Variants in FGF10 observed in about 807,000 individuals in gnomAD.
FGF10 encodes the protein fibroblast growth factor 10, also known as FGF-10.
A neutral mutation model predicts 19.8 loss-of-function variants in FGF10; 2 were observed. The observed-to-expected ratio is 0.10, with a 90% CI of 0.04 to 0.32. The LOEUF (loss-of-function observed/expected upper bound fraction) is 0.32. FGF10 is among the 10% of genes least tolerant of loss of function. FGF10 has a pLI of 1.00. For missense variants in FGF10, 191 were observed against 246.3 expected, an observed-to-expected ratio of 0.78 and a Z score of 1.50; for synonymous variants, 112 against 94.0, an observed-to-expected ratio of 1.19 and a Z score of -1.10.
At chr5:44,306,450 T>C (rs1476810556) in intron 2 of FGF10, among the ~76,000 whole-genome samples, 5 of 152,182 alleles carry the variant, frequency 3.3e-5, no homozygotes, top group Non-Finnish European at 5.9e-5. Flanking sequence ...TCTTTTCTTA[T>C]ACTCAAACTA....
intron 1 of FGF10, among the ~76,000 whole-genome samples, chr5:44,374,093 C>T (rs1008829672): frequency 3.3e-5 from 5 of 152,174 alleles, no homozygotes; most frequent in African/African-American, 1.2e-4. Context: ...CCAAACTCCT[C>T]TGTAGGTTCT....
chr5:44,362,153 G>T (rs1273916763), intron 1 of FGF10, among the ~76,000 whole-genome samples: 2 of 151,584 alleles, frequency 1.3e-5, no homozygotes, highest in South Asian at 4.1e-4. Flanking sequence ...TACCATCTTT[G>T]TGAACTTGGA....
At chr5:44,310,352 T>C (rs13183649) in intron 2 of FGF10, 75 bp downstream of exon 2, 5 of 932,562 alleles carry the variant, frequency 5.4e-6, no homozygotes, top group African/African-American at 4.9e-5. Flanking sequence ...AGCTATTCGG[T>C]GTCTGGAGGA....
At chr5:44,331,649 T>A (rs12652957) in intron 1 of FGF10, among the ~76,000 whole-genome samples, 85,728 of 151,924 alleles carry the variant, frequency 0.56, 25,433 homozygotes, top group Non-Finnish European at 0.67. Context: ...ATTCCTTAGA[T>A]GAATGAGAAT....
chr5:44,318,685 A>G (rs1740412957), intron 1 of FGF10, among the ~76,000 whole-genome samples: 1 of 152,184 alleles, frequency 6.6e-6, no homozygotes, highest in African/African-American at 2.4e-5. Flanking sequence ...AAATAATGTT[A>G]GAAACATGTT....
intron 1 of FGF10, among the ~76,000 whole-genome samples, chr5:44,381,852 T>C (rs1374673389): frequency 1.3e-5 from 2 of 152,196 alleles, no homozygotes; most frequent in Admixed American, 1.3e-4. Flanking sequence ...CTATTCAGAA[T>C]TAGGTTCTAG....
chr5:44,387,791 G>C (rs1024885330), intron 1 of FGF10, among the ~76,000 whole-genome samples: 1 of 152,070 alleles, frequency 6.6e-6, no homozygotes, highest in African/African-American at 2.4e-5. Context: ...AATGCTTTTC[G>C]CTCATATCTA....
At chr5:44,324,480 A>G (rs1211071755) in intron 1 of FGF10, among the ~76,000 whole-genome samples, 2 of 152,258 alleles carry the variant, frequency 1.3e-5, no homozygotes, top group Non-Finnish European at 2.9e-5. Context: ...TATCTTGAAG[A>G]AATGTTTTTA....
chr5:44,320,985 T>C (rs1740472238), intron 1 of FGF10, among the ~76,000 whole-genome samples: 1 of 151,820 alleles, frequency 6.6e-6, no homozygotes, highest in Non-Finnish European at 1.5e-5. Context: ...TGCCAGTCCA[T>C]TTTGAAGTTT....
rs949698811 is a variant in FGF10 at position 44,301,232 on chromosome 5, A to G, written c.*3763T>C. Among the ~76,000 whole-genome samples, 1 of 152,114 alleles carries G rather than the reference A, an allele frequency of 6.6e-6. No homozygotes were observed. Among genetic ancestry groups the G allele is most frequent in the African/African-American group, 2.4e-5 (1 of 41,424 alleles). On this transcript the variant is annotated 3_prime_UTR_variant, in exon 3 of 3. Coordinates refer to ENST00000264664, the MANE Select transcript of FGF10 (RefSeq NM_004465.2). The stretch of plus-strand genomic sequence containing the variant: ...GTATATGTCCTACTTCTAATGTACT[A>G]GACATCTTCTCTTAAATATTTTAAG...
intron 1 of FGF10, among the ~76,000 whole-genome samples, chr5:44,359,662 G>A (rs1425963700): frequency 2.6e-5 from 4 of 151,428 alleles, no homozygotes; most frequent in Non-Finnish European, 5.9e-5. Context: ...TTTCTTCAGT[G>A]GCTTACTGTA....
At chr5:44,359,807 T>C (rs1179050178) in intron 1 of FGF10, among the ~76,000 whole-genome samples, 2 of 151,424 alleles carry the variant, frequency 1.3e-5, no homozygotes, top group Non-Finnish European at 3.0e-5. Context: ...ACATACATCA[T>C]ACCCATTATG....
intron 2 of FGF10, among the ~76,000 whole-genome samples, chr5:44,308,939 A>G (rs1740146874): frequency 6.6e-6 from 1 of 152,184 alleles, no homozygotes. Context: ...CTGTCTTTTA[A>G]TAAGCCCTTC....
In FGF10 at chr5:44,315,147, C is replaced by T. The variant is rs139577073; in HGVS notation, c.326-4617G>A. On this transcript the variant is annotated intron_variant, in intron 1 of 2. Coordinates refer to ENST00000264664, the MANE Select transcript of FGF10 (RefSeq NM_004465.2). ...CCTTGCCTCAAGGAGTTTTAAAGCT[C>T]AATAAAATAAAGACCCAAATAAGTA... Among the ~76,000 whole-genome samples, 364 of 76,766 alleles carry T rather than the reference C, an allele frequency of 4.7e-3. 1 individual carries two copies. Among genetic ancestry groups the T allele is most frequent in the African/African-American group, 0.015 (347 of 23,112 alleles). 50.4% of individuals were successfully genotyped at this position (76,766 alleles called of 152,430 possible).
intron 1 of FGF10, among the ~76,000 whole-genome samples, chr5:44,332,281 G>A (rs1443381829): frequency 6.6e-6 from 1 of 152,078 alleles, no homozygotes; most frequent in Admixed American, 6.6e-5. Flanking sequence ...TTGCCCCAGT[G>A]AGTATCAAAG....
At position 44,303,446 on chromosome 5, in the gene FGF10, C is replaced by T. The variant is rs999647366; in HGVS notation, c.*1549G>A. On this transcript the variant is annotated 3_prime_UTR_variant, in exon 3 of 3. Transcript: ENST00000264664. ...CAAAACAAGAAATATGAAGATAAAA[C>T]TGCAGCATCAATATACTATTATAGT... 1.1e-4 allele frequency: 16 copies of T among 151,978 alleles called. No homozygotes were observed. Among genetic ancestry groups the T allele is most frequent in the African/African-American group, 3.9e-4 (16 of 41,372 alleles). The allele number at this position is 151,978 out of a possible 1,614,324, so 9.4% of individuals were successfully genotyped here.
Position 44,305,027 on chromosome 5 carries a change from C to A in FGF10, c.595G>T (p.Ala199Ser). The part of the protein sequence containing the change: ...GQKTRRKNTS[A>S]HFLPMVVHS ...TGTACCACCATTGGAAGAAAGTGAG[C>A]AGAGGTGTTTTTCCTTCGTGTTTTC... The change falls in exon 3 of 3, where the codon GCT becomes TCT. Residue 199 changes from alanine to serine, a missense_variant. Ala to Ser is a moderately conservative substitution (Grantham distance 99). Transcript: ENST00000264664. 1.9e-6 allele frequency: 3 copies of A among 1,613,936 alleles called. No individual in the cohort carries two copies. Among genetic ancestry groups the A allele is most frequent in the Non-Finnish European group, 2.5e-6 (3 of 1,179,864 alleles).
At chr5:44,313,102 T>G (rs899698048) in intron 1 of FGF10, among the ~76,000 whole-genome samples, 3 of 152,108 alleles carry the variant, frequency 2.0e-5, no homozygotes, top group African/African-American at 7.2e-5. Flanking sequence ...TATTTTTATA[T>G]TATTATTTAG....
chr5:44,322,042 T>A (rs1740505215), intron 1 of FGF10, among the ~76,000 whole-genome samples: 1 of 152,076 alleles, frequency 6.6e-6, no homozygotes, highest in Non-Finnish European at 1.5e-5. Context: ...GGATTACAGG[T>A]GTGAGCCACT....
Sources: allele counts gnomAD v4.1 joint callset (sites outside exome capture counted in the v4.1 genomes callset), GRCh38; gene constraint gnomAD v4.1.1; transcripts MANE v1.5; gene names NCBI Gene and HGNC (gene_info 2026-07-23, HGNC 2026-07-21).